ACAT1: variants seen among roughly 807,000 people sequenced by gnomAD.
The protein encoded by ACAT1 is acetyl-CoA acetyltransferase 1.
ACAT1 carries 28 observed loss-of-function variants against 47.3 expected under a neutral mutation model. The observed-to-expected ratio is 0.59, with a 90% confidence interval of 0.44 to 0.81. The LOEUF is 0.81. ACAT1 is among the 30% of genes least tolerant of loss of function. ACAT1 has a pLI of 0.00. For synonymous variants in ACAT1, 181 were observed against 173.6 expected, an observed-to-expected ratio of 1.04 and a Z score of -0.34; for missense variants, 469 against 524.3, an observed-to-expected ratio of 0.89 and a Z score of 1.03.
At chr11:108,130,077 T>A (rs867727791) in intron 1 of ACAT1, among the ~76,000 whole-genome samples, 14 of 152,214 alleles carry the variant, frequency 9.2e-5, no homozygotes, top group African/African-American at 3.4e-4. Context: ...TGTTGCATTC[T>A]TTTGCTTCTC....
upstream of ACAT1, among the ~76,000 whole-genome samples, chr11:108,119,915 T>C (rs1264497932): frequency 6.6e-6 from 1 of 152,088 alleles, no homozygotes; most frequent in Non-Finnish European, 1.5e-5. Context: ...GACAGGGTGC[T>C]ATATTAAAAA....
intron 1 of ACAT1, among the ~76,000 whole-genome samples, chr11:108,129,463 G>A (rs1301025731): frequency 3.9e-5 from 6 of 152,030 alleles, no homozygotes; most frequent in Admixed American, 3.9e-4. Context: ...CTGCCTCCTG[G>A]GTTCAAGCGA....
intron 10 of ACAT1, 54 bp from the exon 11 acceptor site, chr11:108,146,148 G>A (rs2077703205): frequency 7.1e-7 from 1 of 1,401,900 alleles, no homozygotes; most frequent in East Asian, 2.3e-5. Flanking sequence ...AATGATGACA[G>A]TAAGTTGTGA....
rs397951009 is a variant in ACAT1, at chr11:108,131,354, A to ATTTTTT, written c.73-540_73-535dup. Among the ~76,000 whole-genome samples, 284 of 62,634 alleles carry ATTTTTT rather than the reference A, an allele frequency of 4.5e-3. 65 individuals carry two copies. The South Asian group carries it at 0.11, about 25-fold the overall frequency. The allele number at this position is 62,634 out of a possible 152,430, so 41.1% of individuals were successfully genotyped here. ...AAGCTATATTTAAGAAAGACTTGGA[A>ATTTTTT]TTTTTTTTTTTTTTTTTTAGACAGT... On this transcript the variant is annotated intron_variant, in intron 1 of 11. Transcript: ENST00000265838.
chr11:108,128,278 T>C (rs1482308951), intron 1 of ACAT1, among the ~76,000 whole-genome samples: 1 of 151,912 alleles, frequency 6.6e-6, no homozygotes, highest in Non-Finnish European at 1.5e-5. Context: ...CTGGAGAACC[T>C]TTCTTGCCAA....
Position 108,144,030 on chromosome 11 carries a change from G to A in ACAT1, c.988G>A (p.Val330Ile). The change falls in exon 10 of 12, where the codon GTA becomes ATA. Residue 330 changes from valine to isoleucine, a missense_variant. Coordinates refer to ENST00000265838, the MANE Select transcript of ACAT1 (RefSeq NM_000019.4). ...VEPIDFPIAPVYAASMVLKDV... is the reference protein window; with the variant it reads ...VEPIDFPIAPIYAASMVLKDV... ...ACCTATTGATTTTCCAATTGCTCCT[G>A]TATATGCTGCATCTATGGTGAGAAC... The A allele has an allele frequency of 1.9e-6, 3 of 1,563,740 alleles. No homozygotes were observed. Among genetic ancestry groups the A allele is most frequent in the Non-Finnish European group, 1.7e-6 (2 of 1,154,838 alleles).
At chr11:108,141,160 C>G (rs1003646876) in intron 7 of ACAT1, among the ~76,000 whole-genome samples, 1 of 151,728 alleles carries the variant, frequency 6.6e-6, no homozygotes, top group Non-Finnish European at 1.5e-5. Context: ...CCCAGGAGTC[C>G]GAGGCTGCAG....
At chr11:108,131,354 A>ATTTTTTTTTTTTTGTTTT (rs2077353695) in intron 1 of ACAT1, among the ~76,000 whole-genome samples, 1 of 62,660 alleles carries the variant, frequency 1.6e-5, no homozygotes, top group Admixed American at 2.7e-4. Context: ...AAGACTTGGA[A>ATTTTTTTTTTTTTGTTTT]TTTTTTTTTT....
intron 10 of ACAT1, 71 bp from the exon 11 acceptor site, chr11:108,146,131 T>C: frequency 2.3e-6 from 3 of 1,287,108 alleles, no homozygotes; most frequent in South Asian, 2.4e-5. Context: ...CTGTAGTATT[T>C]CAAGGAAATG....
chr11:108,132,017 A>T (rs984418007), intron 2 of ACAT1, 63 bp downstream of exon 2: 1 of 1,032,662 alleles, frequency 9.7e-7, no homozygotes, highest in Admixed American at 1.8e-5. Flanking sequence ...ATAAAAATGC[A>T]TATACTTATG....
intron 7 of ACAT1, among the ~76,000 whole-genome samples, chr11:108,141,161 G>A (rs970861302): frequency 1.1e-4 from 16 of 151,996 alleles, no homozygotes; most frequent in Admixed American, 2.0e-4. Flanking sequence ...CCAGGAGTCC[G>A]AGGCTGCAGT....
In ACAT1 at chr11:108,121,638, G is replaced by A; in HGVS notation, c.32G>A (p.Gly11Asp). The change falls in exon 1 of 12, where the codon GGC becomes GAC. Residue 11 changes from glycine (G) to aspartate (D), a missense_variant. Gly to Asp is a moderately conservative substitution (Grantham distance 94). Coordinates refer to ENST00000265838, the MANE Select transcript of ACAT1 (RefSeq NM_000019.4). ...GTGCTGGCGGCACTTCTGCGCAGCGGCGCCCGCAGCCGCAGCCCCCTGCTC... is the reference window on the plus strand; with the variant it reads ...GTGCTGGCGGCACTTCTGCGCAGCGACGCCCGCAGCCGCAGCCCCCTGCTC... MAVLAALLRSGARSRSPLLRR... is the reference protein window; with the variant it reads MAVLAALLRSDARSRSPLLRR... 6.4e-7 allele frequency: 1 copy of A among 1,550,646 alleles called. No homozygotes were observed. Among genetic ancestry groups the A allele is most frequent in the Non-Finnish European group, 8.7e-7 (1 of 1,147,632 alleles).
rs2077446835 is a variant in ACAT1 at position 108,135,226 on chromosome 11, T to C, written c.419T>C (p.Leu140Pro). The change falls in exon 5 of 12, where the codon CTT becomes CCT. Residue 140 changes from leucine (L) to proline (P), a missense_variant. Physicochemically the swap from Leu to Pro is moderately conservative, Grantham distance 98. Coordinates refer to ENST00000265838, the MANE Select transcript of ACAT1 (RefSeq NM_000019.4). ...MKAIMMASQS[L>P]MCGHQDVMVA... ...GCCATCATGATGGCCTCTCAAAGTC[T>C]TATGTGTGGACATCAGGTAAGAAAC... The C allele has an allele frequency of 6.2e-7, 1 of 1,611,768 alleles. No homozygotes were observed. The highest frequency in any genetic ancestry group is 1.3e-5 in the African/African-American group (1 of 74,880).
intron 9 of ACAT1, 75 bp downstream of exon 9, chr11:108,142,625 C>A (rs1218562875): frequency 3.2e-6 from 4 of 1,260,846 alleles, no homozygotes; most frequent in Non-Finnish European, 4.6e-6. Context: ...TTGCTTGAGC[C>A]CCGGAGTTCG....
At chr11:108,141,956 T>C (rs1029344372) in intron 8 of ACAT1, among the ~76,000 whole-genome samples, 8 of 152,190 alleles carry the variant, frequency 5.3e-5, no homozygotes, top group Non-Finnish European at 7.3e-5. Context: ...TTCATTGGCA[T>C]TGAAAAAAAC....
intron 1 of ACAT1, among the ~76,000 whole-genome samples, chr11:108,124,011 A>G (rs974438250): frequency 6.6e-6 from 1 of 152,144 alleles, no homozygotes; most frequent in African/African-American, 2.4e-5. Flanking sequence ...GTCTGTCTGC[A>G]TTACTGTAGG....
chr11:108,147,498 A>ATTATT lies in ACAT1; in HGVS notation c.*111_*115dup. ...ATTCAGATAAGCTGTTTCATTTTTTATTATTTTCTATGTTAACTTTTAAAA... is the reference window on the plus strand; with the variant it reads ...ATTCAGATAAGCTGTTTCATTTTTTATTATTTTATTTTCTATGTTAACTTTTAAAA... On this transcript the variant is annotated 3_prime_UTR_variant, in exon 12 of 12. Transcript: ENST00000265838. The ATTATT allele has an allele frequency of 7.3e-7, 1 of 1,361,532 alleles. No homozygotes were observed. Among genetic ancestry groups the ATTATT allele is most frequent in the Non-Finnish European group, 1.0e-6 (1 of 980,244 alleles). 84.3% of individuals were successfully genotyped at this position (1,361,532 alleles called of 1,614,324 possible).
rs1167100507 is a variant in ACAT1 at position 108,122,868 on chromosome 11, T to TA, written c.72+1191dup. On this transcript the variant is annotated intron_variant, in intron 1 of 11. Transcript: ENST00000265838. ...TATTGACTAGGTGACATAGGTGAAC[T>TA]AGGTACTCTAGAGATGTAAAAAAAA... Among the ~76,000 whole-genome samples the TA allele has an allele frequency of 2.6e-5, 4 of 152,136 alleles. No homozygotes were observed. The East Asian group carries it at 7.7e-4, about 29-fold the overall frequency.
intron 1 of ACAT1, among the ~76,000 whole-genome samples, chr11:108,127,180 G>C (rs1485335829): frequency 6.6e-6 from 1 of 151,838 alleles, no homozygotes; most frequent in Non-Finnish European, 1.5e-5. Context: ...GCAGCTGTCA[G>C]GTTGGCGCTT....
Sources: allele counts gnomAD v4.1 joint callset (sites outside exome capture counted in the v4.1 genomes callset), GRCh38; gene constraint gnomAD v4.1.1; transcripts MANE v1.5; gene names NCBI Gene and HGNC (gene_info 2026-07-23, HGNC 2026-07-21).